Variants in MAP7 observed in about 807,000 individuals in gnomAD.
MAP7 encodes the protein ensconsin.
In MAP7, 52 loss-of-function variants were observed where a neutral mutation model predicts 94.8. The observed-to-expected ratio is 0.55, with a 90% confidence interval of 0.44 to 0.69. The LOEUF is 0.69. Ranked by LOEUF, MAP7 falls within the 30% of genes least tolerant of loss-of-function variation. The pLI, the probability that MAP7 is intolerant of heterozygous loss-of-function variation, is 0.00. For missense variants in MAP7, 940 were observed against 964.6 expected, an observed-to-expected ratio of 0.97 and a Z score of 0.34; for synonymous variants, 350 against 357.0, an observed-to-expected ratio of 0.98 and a Z score of 0.22.
intron 1 of MAP7, among the ~76,000 whole-genome samples, chr6:136,485,962 CA>C (rs1814604458): frequency 6.8e-6 from 1 of 146,528 alleles, no homozygotes; most frequent in South Asian, 2.1e-4. Flanking sequence ...AAGTTGTGGA[CA>C]AACATTTTTT....
chr6:136,499,215 C>A (rs529149186), intron 1 of MAP7, among the ~76,000 whole-genome samples: 1 of 152,078 alleles, frequency 6.6e-6, no homozygotes, highest in African/African-American at 2.4e-5. Context: ...CCATCCTGTC[C>A]GGCCTGAGAT....
chr6:136,382,661 T>TATAAA (rs1471270961), intron 6 of MAP7, among the ~76,000 whole-genome samples: 2 of 152,186 alleles, frequency 1.3e-5, no homozygotes, highest in Non-Finnish European at 2.9e-5. Flanking sequence ...AGAGATTAGT[T>TATAAA]ATAAAATAAC....
At chr6:136,450,384 A>G (rs1800742161) in intron 1 of MAP7, among the ~76,000 whole-genome samples, 1 of 152,104 alleles carries the variant, frequency 6.6e-6, no homozygotes, top group South Asian at 2.1e-4. Context: ...GAATTTTTAA[A>G]CAAAATTCCC....
At chr6:136,538,524 G>A (rs1829055984) in intron 1 of MAP7, among the ~76,000 whole-genome samples, 2 of 152,012 alleles carry the variant, frequency 1.3e-5, no homozygotes, top group African/African-American at 2.4e-5. Context: ...GGTGGCTCAC[G>A]CCTGTAATCC....
intron 1 of MAP7, among the ~76,000 whole-genome samples, chr6:136,537,096 G>A (rs1359951558): frequency 6.6e-6 from 1 of 151,782 alleles, no homozygotes; most frequent in African/African-American, 2.4e-5. Context: ...CACATATATG[G>A]TTTAGATTTG....
chr6:136,388,446 T>C lies in MAP7; in HGVS notation c.473A>G (p.Asn158Ser), dbSNP rs1329658087. The change falls in exon 5 of 18, where the codon AAC becomes AGC. Residue 158 changes from asparagine (N) to serine (S), a missense_variant. Physicochemically the swap from Asn to Ser is conservative, Grantham distance 46 (BLOSUM62 1). Coordinates refer to ENST00000354570, the MANE Select transcript of MAP7 (RefSeq NM_003980.6). Reference protein sequence around the residue: ...ERSQKPKQKHNRWSWGGSLHG... With the variant: ...ERSQKPKQKHSRWSWGGSLHG... The stretch of plus-strand genomic sequence containing the variant: ...GAGAGAGCCTCCCCACGACCAACGG[T>C]TATGCTTCTGTTTTGGCTTCTGGCT... 3 of 1,614,180 alleles carry C rather than the reference T, an allele frequency of 1.9e-6. No individual in the cohort carries two copies. Among genetic ancestry groups the C allele is most frequent in the Non-Finnish European group, 1.7e-6 (2 of 1,180,020 alleles).
chr6:136,428,026 C>T (rs1263861130), intron 1 of MAP7, among the ~76,000 whole-genome samples: 1 of 152,220 alleles, frequency 6.6e-6, no homozygotes, highest in African/African-American at 2.4e-5. Flanking sequence ...TACAGTCCAA[C>T]ATGGTGTATA....
intron 1 of MAP7, among the ~76,000 whole-genome samples, chr6:136,521,959 C>T (rs2129048389): frequency 6.6e-6 from 1 of 152,362 alleles, no homozygotes; most frequent in East Asian, 1.9e-4. Flanking sequence ...TCCTCCACTT[C>T]TGTGAGCAGA....
chr6:136,394,931 CATATATATATATATAT>C (rs144839767), intron 3 of MAP7, among the ~76,000 whole-genome samples: 4,753 of 27,528 alleles, frequency 0.17, 540 homozygotes, highest in African/African-American at 0.33. Context: ...AATATTCCAT[CATATATATATATATAT>C]ATATATATAT....
chr6:136,489,636 T>C (rs1014971985), intron 1 of MAP7, among the ~76,000 whole-genome samples: 7 of 151,390 alleles, frequency 4.6e-5, no homozygotes, highest in Non-Finnish European at 1.0e-4. Flanking sequence ...CAAGTGAGTC[T>C]TGTGTCTCAG....
intron 8 of MAP7, among the ~76,000 whole-genome samples, chr6:136,369,947 A>T (rs1454264027): frequency 1.3e-5 from 2 of 152,208 alleles, no homozygotes; most frequent in African/African-American, 4.8e-5. Context: ...TCAAACTTAA[A>T]CACTTCTATA....
chr6:136,451,357 G>C (rs1049320031), intron 1 of MAP7, among the ~76,000 whole-genome samples: 1 of 152,158 alleles, frequency 6.6e-6, no homozygotes, highest in Admixed American at 6.5e-5. Flanking sequence ...AGAAAGCCTG[G>C]ATGACAGCAC....
chr6:136,387,043 C>A (rs1160912977), intron 5 of MAP7, among the ~76,000 whole-genome samples: 1 of 152,142 alleles, frequency 6.6e-6, no homozygotes, highest in East Asian at 1.9e-4. Context: ...AACTCCTGGC[C>A]TCAAGGGATC....
chr6:136,508,676 C>T (rs1822317149), intron 1 of MAP7, among the ~76,000 whole-genome samples: 2 of 152,192 alleles, frequency 1.3e-5, no homozygotes, highest in South Asian at 4.1e-4. Context: ...ATGCCATAGA[C>T]TGGTCCAGGA....
At chr6:136,377,564 G>A (rs550980417) in intron 7 of MAP7, among the ~76,000 whole-genome samples, 191 bp downstream of exon 7, 1 of 152,330 alleles carries the variant, frequency 6.6e-6, no homozygotes, top group Non-Finnish European at 1.5e-5. Flanking sequence ...CCTGGCGTCT[G>A]GTGTCCAGAT....
chr6:136,394,421 G>T (rs1781715189), intron 3 of MAP7, among the ~76,000 whole-genome samples: 1 of 150,508 alleles, frequency 6.6e-6, no homozygotes. Context: ...CTATTGATAG[G>T]TTTAATTTTT....
chr6:136,431,813 C>T (rs1795027003), intron 1 of MAP7, among the ~76,000 whole-genome samples: 2 of 152,300 alleles, frequency 1.3e-5, no homozygotes, highest in East Asian at 3.9e-4. Flanking sequence ...CCACTGTGCC[C>T]GGCCTTGATG....
chr6:136,450,590 G>T (rs1298320927), intron 1 of MAP7, among the ~76,000 whole-genome samples: 2 of 151,986 alleles, frequency 1.3e-5, no homozygotes, highest in African/African-American at 4.8e-5. Context: ...TTCGAGACCA[G>T]CCTGACCAAC....
chr6:136,489,769 T>C (rs1227548669), intron 1 of MAP7, among the ~76,000 whole-genome samples: 1 of 152,054 alleles, frequency 6.6e-6, no homozygotes, highest in Non-Finnish European at 1.5e-5. Flanking sequence ...CCCCAGGTGA[T>C]CCACCCACCT....
Sources: allele counts gnomAD v4.1 joint callset (sites outside exome capture counted in the v4.1 genomes callset), GRCh38; gene constraint gnomAD v4.1.1; transcripts MANE v1.5; gene names NCBI Gene and HGNC (gene_info 2026-07-23, HGNC 2026-07-21).